The following AMOTL1 variants were observed in gnomAD, a reference collection of about 807,000 sequenced individuals.
The protein encoded by AMOTL1 is angiomotin-like protein 1.
AMOTL1 carries 45 observed loss-of-function variants against 102.9 expected under a neutral mutation model. The ratio of observed to expected loss-of-function variants is 0.44; its 90% CI spans 0.34 to 0.56. The LOEUF is 0.56. AMOTL1 is among the 20% of genes least tolerant of loss of function. AMOTL1 has a pLI of 0.01. For missense variants in AMOTL1, 1,114 were observed against 1,225.6 expected (o/e 0.91, Z 1.36); for synonymous variants, 481 against 484.7 (o/e 0.99, Z 0.10).
At position 94,799,577 on chromosome 11, in the gene AMOTL1, A is replaced by G. The variant is rs1951431116; in HGVS notation, c.387A>G (p.Ala129=). The G allele has an allele frequency of 2.5e-6, 4 of 1,613,836 alleles. No individual in the cohort carries two copies. Among genetic ancestry groups the G allele is most frequent in the Non-Finnish European group, 3.4e-6 (4 of 1,179,836 alleles). Residue 129 remains alanine (A), a synonymous_variant, in exon 3 of 13, where the codon GCA becomes GCG. Coordinates refer to ENST00000433060, the MANE Select transcript of AMOTL1 (RefSeq NM_130847.3). This position sits in a 1 kb window ranked among gnomAD's most constrained non-coding sequence, Gnocchi z 4.5. ...TTCAGCACCAGGCCACAGGGAGTGCAGGACCAGCCCATCCTACAAACAACT... is the reference window on the plus strand; with the variant it reads ...TTCAGCACCAGGCCACAGGGAGTGCGGGACCAGCCCATCCTACAAACAACT... The part of the protein sequence containing the change: ...LAIQHQATGS[A]GPAHPTNNFS...
At chr11:94,760,468 T>G (rs1417066045) in intron 3 of AMOTL1, among the ~76,000 whole-genome samples, 1 of 152,216 alleles carries the variant, frequency 6.6e-6, no homozygotes, top group Non-Finnish European at 1.5e-5. Flanking sequence ...CTTTGCCTCC[T>G]TTAAGTTCCT....
At chr11:94,777,290 G>A (rs1436077190) in intron 1 of AMOTL1, among the ~76,000 whole-genome samples, 2 of 152,086 alleles carry the variant, frequency 1.3e-5, no homozygotes, top group African/African-American at 4.8e-5. Flanking sequence ...TGACTGGCCT[G>A]GCAGATCAAA....
In AMOTL1 at chr11:94,874,188, T is replaced by G. The variant is rs972108847; in HGVS notation, c.*3393T>G. 5 of 152,260 alleles carry G rather than the reference T, an allele frequency of 3.3e-5. No individual in the cohort carries two copies. The highest frequency in any genetic ancestry group is 7.3e-5 in the Non-Finnish European group (5 of 68,050). The allele number at this position is 152,260 out of a possible 1,614,324, so 9.4% of individuals were successfully genotyped here. ...GCTAGAGTTTCACTAATTAGATGCC[T>G]CTGTACATGAGAACTATTACTGTCT... is the stretch of plus-strand genomic sequence containing the variant. On this transcript the variant is annotated 3_prime_UTR_variant, in exon 13 of 13. Transcript: ENST00000433060.
chr11:94,748,662 T>C (rs1430407298), intron 3 of AMOTL1, among the ~76,000 whole-genome samples: 1 of 152,256 alleles, frequency 6.6e-6, no homozygotes, highest in Non-Finnish European at 1.5e-5. Flanking sequence ...ATCTGTATCT[T>C]CTTTTCCTAA....
intron 3 of AMOTL1, among the ~76,000 whole-genome samples, chr11:94,800,771 A>G (rs1951462631): frequency 6.6e-6 from 1 of 152,246 alleles, no homozygotes; most frequent in Non-Finnish European, 1.5e-5. Flanking sequence ...CCCTCACTCA[A>G]CAGATGAGAA....
intron 1 of AMOTL1, among the ~76,000 whole-genome samples, chr11:94,706,755 G>A (rs1949935757): frequency 6.6e-6 from 1 of 152,322 alleles, no homozygotes; most frequent in Non-Finnish European, 1.5e-5. Context: ...CCCACCTGGT[G>A]GGGTGGCAGA....
chr11:94,731,200 G>C (rs969865590), intron 2 of AMOTL1, among the ~76,000 whole-genome samples: 1 of 152,214 alleles, frequency 6.6e-6, no homozygotes, highest in Non-Finnish European at 1.5e-5. Flanking sequence ...CTTAGTTCTG[G>C]TAGGCAACAG....
rs1198948412 is a variant in AMOTL1, at chr11:94,795,038, G to A, written c.77G>A (p.Ser26Asn). 2.5e-6 allele frequency: 4 copies of A among 1,613,492 alleles called. No homozygotes were observed. The Admixed American group carries it at 6.7e-5, about 27-fold the overall frequency. Residue 26 changes from serine to asparagine, a missense_variant, in exon 2 of 13, where the codon AGT becomes AAT. Transcript: ENST00000433060. The part of the protein sequence containing the change: ...KGSPSACYSP[S>N]SPVQVLEDST... ...TCCCCTTCTGCTTGTTATAGCCCCA[G>A]TAGTCCTGTCCAGGTTCTAGAAGAC...
rs372424833 is a variant in AMOTL1, at chr11:94,799,590, C to G, written c.400C>G (p.Pro134Ala). ...CACAGGGAGTGCAGGACCAGCCCAT[C>G]CTACAAACAACTTTTCTTCCACGGA... The part of the protein sequence containing the change: ...QATGSAGPAH[P>A]TNNFSSTENL... Residue 134 changes from proline to alanine, a missense_variant, in exon 3 of 13, where the codon CCT (proline) becomes GCT (alanine). By Grantham distance (27) the Pro-to-Ala change is conservative (BLOSUM62 -1). Coordinates refer to ENST00000433060, the MANE Select transcript of AMOTL1 (RefSeq NM_130847.3). This position sits in a 1 kb window ranked among gnomAD's most constrained non-coding sequence, Gnocchi z 4.5. 8 of 1,613,704 alleles carry G rather than the reference C, an allele frequency of 5.0e-6. No homozygotes were observed. The African/African-American group carries it at 1.1e-4, about 22-fold the overall frequency.
intron 3 of AMOTL1, among the ~76,000 whole-genome samples, chr11:94,819,660 C>T (rs150829908): frequency 2.0e-5 from 3 of 152,260 alleles, no homozygotes; most frequent in African/African-American, 2.4e-5. Context: ...ATTGACGTCT[C>T]GTGTCTCTCA....
At chr11:94,745,873 A>C (rs1284775698) in intron 3 of AMOTL1, among the ~76,000 whole-genome samples, 1 of 152,172 alleles carries the variant, frequency 6.6e-6, no homozygotes, top group Non-Finnish European at 1.5e-5. Flanking sequence ...GCTTCTCTAC[A>C]ACTTACCTAG....
intron 6 of AMOTL1, among the ~76,000 whole-genome samples, chr11:94,831,779 T>G (rs1952077025): frequency 6.6e-6 from 1 of 152,172 alleles, no homozygotes; most frequent in Non-Finnish European, 1.5e-5. Context: ...TTTCTCTCTC[T>G]CTCTCTATAA....
intron 1 of AMOTL1, among the ~76,000 whole-genome samples, chr11:94,770,547 T>C (rs755683221): frequency 5.3e-5 from 8 of 152,188 alleles, no homozygotes; most frequent in Non-Finnish European, 1.0e-4. Context: ...GAAACCTTTG[T>C]AAACCTGCAG....
At chr11:94,854,794 T>C (rs1952626529) in intron 8 of AMOTL1, among the ~76,000 whole-genome samples, 1 of 151,948 alleles carries the variant, frequency 6.6e-6, no homozygotes, top group East Asian at 1.9e-4. Flanking sequence ...GGGGGTGACA[T>C]TAGTAGCCCA....
chr11:94,823,205 C>A (rs1363901580), intron 4 of AMOTL1, among the ~76,000 whole-genome samples: 3 of 152,140 alleles, frequency 2.0e-5, no homozygotes, highest in African/African-American at 7.2e-5. Flanking sequence ...CATGTGTTTA[C>A]AGACAATTTG....
rs1235477146 is a variant in AMOTL1, at chr11:94,871,887, A to G, written c.*1092A>G. ...CCAGGAAACAGATGACAATTTACAG[A>G]CAGTTGTCTCAGTGGTTTCCAGAAT... On this transcript the variant is annotated 3_prime_UTR_variant, in exon 13 of 13. Coordinates refer to ENST00000433060, the MANE Select transcript of AMOTL1 (RefSeq NM_130847.3). 6.6e-6 allele frequency: 1 copy of G among 152,000 alleles called. No individual in the cohort carries two copies. Among genetic ancestry groups the G allele is most frequent in the Non-Finnish European group, 1.5e-5 (1 of 68,030 alleles). 9.4% of individuals were successfully genotyped at this position (152,000 alleles called of 1,614,324 possible). A position where few individuals can be genotyped will look rare whatever the true frequency, so the allele number is the denominator to read the frequency against.
At chr11:94,826,940 T>C (rs915174060) in intron 4 of AMOTL1, among the ~76,000 whole-genome samples, 1 of 152,232 alleles carries the variant, frequency 6.6e-6, no homozygotes, top group Admixed American at 6.5e-5. Context: ...TTGATTGTTT[T>C]AGGATTTGAG....
chr11:94,869,770 C>A (rs1234836021), intron 12 of AMOTL1, among the ~76,000 whole-genome samples: 1 of 152,200 alleles, frequency 6.6e-6, no homozygotes, highest in East Asian at 1.9e-4. Flanking sequence ...CTCTAAGGGG[C>A]TGAATGCCCT....
intron 4 of AMOTL1, among the ~76,000 whole-genome samples, chr11:94,823,832 C>T (rs886188910): frequency 1.3e-5 from 2 of 151,686 alleles, no homozygotes; most frequent in African/African-American, 4.8e-5. Context: ...TCTCCTGCCT[C>T]AGCCTCCTGA....
Sources: allele counts gnomAD v4.1 joint callset (sites outside exome capture counted in the v4.1 genomes callset), GRCh38; gene constraint gnomAD v4.1.1; non-coding constraint Gnocchi (gnomAD v3.1); transcripts MANE v1.5; gene names NCBI Gene and HGNC (gene_info 2026-07-23, HGNC 2026-07-21).